TXNRD3: variants seen among roughly 807,000 people sequenced by gnomAD.
TXNRD3 encodes thioredoxin reductase 3.
A neutral mutation model predicts 78.2 loss-of-function variants in TXNRD3; 68 were observed. The observed-to-expected ratio is 0.87, with a 90% CI of 0.72 to 1.06. The LOEUF (loss-of-function observed/expected upper bound fraction) is 1.06, where lower values mean the gene tolerates loss of function less well. TXNRD3 is among the 50% of genes least tolerant of loss of function. The probability of loss-of-function intolerance (pLI) is 0.00; values close to 1 mark genes in which losing one functional copy is unlikely to be tolerated. For missense variants in TXNRD3, 751 were observed against 809.5 expected (o/e 0.93, Z 0.88); for synonymous variants, 296 against 300.1 (o/e 0.99, Z 0.14).
Position 126,607,298 on chromosome 3 carries a change from A to G in TXNRD3, c.*607T>C, listed in dbSNP as rs1559768515. The G allele has an allele frequency of 1.3e-5, 2 of 152,352 alleles. No individual in the cohort carries two copies. The highest frequency in any genetic ancestry group is 2.9e-5 in the Non-Finnish European group (2 of 68,032). The allele number at this position is 152,352 out of a possible 1,614,324, so 9.4% of individuals were successfully genotyped here. ...CCACCAAGTAGTGAGTGTGAGGGTG[A>G]AGCATGAGTCAGCGTTTTGACAGTA... On this transcript the variant is annotated 3_prime_UTR_variant, in exon 16 of 16. Coordinates refer to ENST00000524230, the MANE Select transcript of TXNRD3 (RefSeq NM_052883.3).
chr3:126,631,853 A>C lies in TXNRD3; in HGVS notation c.882T>G (p.Thr294=). The change falls in exon 8 of 16, where the codon ACT becomes ACG. Residue 294 remains threonine, a synonymous_variant. Coordinates refer to ENST00000524230, the MANE Select transcript of TXNRD3 (RefSeq NM_052883.3). ...TGACAAACTGTGCAGCAGTATAATAAGTCTCCTGTCCTTTTTTATTGGTTG... is the reference window on the plus strand; with the variant it reads ...TGACAAACTGTGCAGCAGTATAATACGTCTCCTGTCCTTTTTTATTGGTTG... 6.5e-7 allele frequency: 1 copy of C among 1,536,094 alleles called. No individual in the cohort carries two copies. Among genetic ancestry groups the C allele is most frequent in the Non-Finnish European group, 8.7e-7 (1 of 1,146,806 alleles).
In TXNRD3 at chr3:126,654,802, G is replaced by A. The variant is rs958504691; in HGVS notation, c.189C>T (p.Ile63=). Residue 63 remains isoleucine (I), a synonymous_variant, in exon 1 of 16, where the codon ATC becomes ATT. Coordinates refer to ENST00000524230, the MANE Select transcript of TXNRD3 (RefSeq NM_052883.3). ...TGAAGATCACCACCCGGCTGCGCTC[G>A]ATGAGGCCCACGAGGTGGCGGCGCA... 2 of 1,431,436 alleles carry A rather than the reference G, an allele frequency of 1.4e-6. No individual in the cohort carries two copies. The highest frequency in any genetic ancestry group is 1.8e-6 in the Non-Finnish European group (2 of 1,093,744). 88.7% of individuals were successfully genotyped at this position (1,431,436 alleles called of 1,614,324 possible).
chr3:126,642,640 C>T (rs907455240), intron 5 of TXNRD3, among the ~76,000 whole-genome samples: 41 of 152,160 alleles, frequency 2.7e-4, no homozygotes, highest in Non-Finnish European at 5.3e-4. Flanking sequence ...TGCAGGTGTT[C>T]TGGTATCCCA....
intron 8 of TXNRD3, 63 bp downstream of exon 8, chr3:126,631,701 G>A: frequency 1.9e-6 from 2 of 1,040,126 alleles, no homozygotes; most frequent in Non-Finnish European, 2.8e-6. Context: ...GAAGTAAACT[G>A]GAAACATGTC....
Position 126,608,630 on chromosome 3 carries a change from G to A in TXNRD3, c.1732C>T (p.Arg578Trp), listed in dbSNP as rs1197683544. The A allele has an allele frequency of 8.1e-5, 125 of 1,534,376 alleles. No homozygotes were observed. Among genetic ancestry groups the A allele is most frequent in the Non-Finnish European group, 1.0e-4 (115 of 1,146,336 alleles). ...CCAAGAATATGAAATCCTATCACCCGATCCTTTAATACAGAAACAAAACAA... is the reference window on the plus strand; with the variant it reads ...CCAAGAATATGAAATCCTATCACCCAATCCTTTAATACAGAAACAAAACAA... Residue 578 changes from arginine to tryptophan, a missense_variant, in exon 15 of 16, where the codon CGG (arginine) becomes TGG (tryptophan). Arg to Trp is a moderately radical substitution (Grantham distance 101, BLOSUM62 -3). Coordinates refer to ENST00000524230, the MANE Select transcript of TXNRD3 (RefSeq NM_052883.3).
intron 1 of TXNRD3, among the ~76,000 whole-genome samples, chr3:126,650,407 C>T (rs573697461): frequency 6.9e-4 from 38 of 54,742 alleles, no homozygotes; most frequent in African/African-American, 1.4e-3. Context: ...CTTTGGGAGG[C>T]CAGGCGGTGG....
In TXNRD3 at chr3:126,647,272, C is replaced by T; in HGVS notation, c.268G>A (p.Gly90Arg). ...AGTTCCAAGACATTACATTCGACTC[C>T]CAAAGAAGAAAAGAGTTCTTTCACC... is the stretch of plus-strand genomic sequence containing the variant. The change falls in exon 2 of 16, where the codon GGA becomes AGA. Residue 90 changes from glycine (G) to arginine (R), a missense_variant. By Grantham distance (125) the Gly-to-Arg change is moderately radical. Coordinates refer to ENST00000524230, the MANE Select transcript of TXNRD3 (RefSeq NM_052883.3). 3 of 1,535,454 alleles carry T rather than the reference C, an allele frequency of 2.0e-6. No individual in the cohort carries two copies. Among genetic ancestry groups the T allele is most frequent in the Non-Finnish European group, 2.6e-6 (3 of 1,146,694 alleles).
chr3:126,644,541 T>C, intron 3 of TXNRD3, 140 bp from the exon 4 acceptor site: 2 of 637,318 alleles, frequency 3.1e-6, no homozygotes, highest in Non-Finnish European at 5.3e-6. Flanking sequence ...GTTGGAGTTG[T>C]AAATTTATCT....
intron 6 of TXNRD3, among the ~76,000 whole-genome samples, chr3:126,640,862 T>C (rs2107624445): frequency 6.7e-6 from 1 of 148,692 alleles, no homozygotes; most frequent in Non-Finnish European, 1.5e-5. Flanking sequence ...TGGAGTAACT[T>C]GTGTAAAAAA....
At chr3:126,612,431 A>G (rs986265916) in intron 13 of TXNRD3, among the ~76,000 whole-genome samples, 2 of 151,812 alleles carry the variant, frequency 1.3e-5, no homozygotes, top group Non-Finnish European at 2.9e-5. Context: ...CTAAAAATAC[A>G]CCTCTAAGGT....
chr3:126,639,799 G>T (rs1467202962), intron 6 of TXNRD3, among the ~76,000 whole-genome samples: 2 of 151,970 alleles, frequency 1.3e-5, no homozygotes, highest in Non-Finnish European at 2.9e-5. Context: ...TCACTATGTT[G>T]CCCAGGCTGG....
chr3:126,637,674 A>G (rs1932940012), intron 6 of TXNRD3, among the ~76,000 whole-genome samples: 1 of 152,100 alleles, frequency 6.6e-6, no homozygotes, highest in African/African-American at 2.4e-5. Context: ...GCCATCTACT[A>G]ACCCAAAAAT....
At chr3:126,634,848 C>T (rs777602039) in intron 6 of TXNRD3, among the ~76,000 whole-genome samples, 2 of 152,292 alleles carry the variant, frequency 1.3e-5, no homozygotes, top group Non-Finnish European at 2.9e-5. Flanking sequence ...CCCCATCTAT[C>T]ACTGTCAAGA....
intron 13 of TXNRD3, among the ~76,000 whole-genome samples, chr3:126,613,586 CTGGTCTATGA>C (rs1381424440): frequency 1.3e-5 from 2 of 152,210 alleles, no homozygotes; most frequent in African/African-American, 4.8e-5. Context: ...CAAAACAATG[CTGGTCTATGA>C]TGGATAGCAT....
chr3:126,616,071 C>T (rs1368035205), intron 12 of TXNRD3, among the ~76,000 whole-genome samples: 1 of 152,120 alleles, frequency 6.6e-6, no homozygotes, highest in Non-Finnish European at 1.5e-5. Flanking sequence ...TAAGAAAGAA[C>T]CATCTCCAGA....
At chr3:126,646,901 G>C (rs1933251989) in intron 2 of TXNRD3, among the ~76,000 whole-genome samples, 1 of 152,220 alleles carries the variant, frequency 6.6e-6, no homozygotes. Context: ...GACACAGCCA[G>C]GAAATGGGAG....
intron 6 of TXNRD3, among the ~76,000 whole-genome samples, chr3:126,637,716 T>C (rs1488242569): frequency 6.6e-6 from 1 of 152,102 alleles, no homozygotes; most frequent in African/African-American, 2.4e-5. Flanking sequence ...TAGTAAGTAA[T>C]ATGACTACTC....
chr3:126,632,145 G>A (rs1363916692), intron 7 of TXNRD3, among the ~76,000 whole-genome samples: 7 of 152,096 alleles, frequency 4.6e-5, no homozygotes, highest in African/African-American at 1.7e-4. Flanking sequence ...TTCAAGTGGA[G>A]ATAAGAAAAA....
intron 12 of TXNRD3, among the ~76,000 whole-genome samples, chr3:126,620,018 G>A (rs545963302): frequency 7.9e-5 from 12 of 152,130 alleles, no homozygotes; most frequent in Middle Eastern, 3.2e-3. Context: ...ACTCTTGGCC[G>A]GGCACGGTGG....
Sources: gnomAD v4.1 joint callset for allele counts (sites outside exome capture counted in the v4.1 genomes callset) on GRCh38, gnomAD v4.1.1 for gene constraint, MANE v1.5 for transcripts, NCBI Gene and HGNC (gene_info 2026-07-23, HGNC 2026-07-21) for gene names.